Variants in CNBP observed in about 807,000 individuals in gnomAD.
CNBP encodes the protein cellular nucleic acid-binding protein.
A neutral mutation model predicts 21.2 loss-of-function variants in CNBP; 6 were observed. That is an observed-to-expected ratio of 0.28 (90% CI 0.16 to 0.56). The LOEUF (loss-of-function observed/expected upper bound fraction) is 0.56. Ranked by LOEUF, CNBP falls within the 20% of genes least tolerant of loss-of-function variation. The pLI, the probability that CNBP is intolerant of heterozygous loss-of-function variation, is 0.93. For missense variants in CNBP, 112 were observed against 233.1 expected, an observed-to-expected ratio of 0.48 and a Z score of 3.38; for synonymous variants, 61 against 74.9, an observed-to-expected ratio of 0.81 and a Z score of 0.96.
rs532458771 is a variant in CNBP at position 129,169,438 on chromosome 3, T to C, written c.*1015A>G. 29 of 193,202 alleles carry C rather than the reference T, an allele frequency of 1.5e-4. No individual in the cohort carries two copies. Among genetic ancestry groups the C allele is most frequent in the African/African-American group, 5.8e-4 (25 of 43,258 alleles). 12.0% of individuals were successfully genotyped at this position (193,202 alleles called of 1,614,324 possible). On this transcript the variant is annotated 3_prime_UTR_variant, in exon 5 of 5. Transcript: ENST00000422453. The stretch of plus-strand genomic sequence containing the variant: ...ATCCTTTTAACAGCAATTTTCATTA[T>C]TGAAGACATGACTTAAGTACAAAAA...
intron 1 of CNBP, among the ~76,000 whole-genome samples, chr3:129,173,863 G>C (rs1293864482): frequency 2.0e-5 from 3 of 152,102 alleles, no homozygotes; most frequent in African/African-American, 4.8e-5. Flanking sequence ...GTGGATAATC[G>C]AATTAGCTAA....
rs1937533866 is a variant in CNBP, at chr3:129,169,627, T to C, written c.*826A>G. 1 of 209,158 alleles carries C rather than the reference T, an allele frequency of 4.8e-6. No individual in the cohort carries two copies. The highest frequency in any genetic ancestry group is 9.7e-6 in the Non-Finnish European group (1 of 102,752). 13.0% of individuals were successfully genotyped at this position (209,158 alleles called of 1,614,324 possible). A position where few individuals can be genotyped will look rare whatever the true frequency, so the allele number is the denominator to read the frequency against. ...GAATAGTTTAAAATTACATTTCTAT[T>C]TTCTAGGACTTCAGTTGCTCTTTCC... is the stretch of plus-strand genomic sequence containing the variant. On this transcript the variant is annotated 3_prime_UTR_variant, in exon 5 of 5. Transcript: ENST00000422453.
Position 129,170,549 on chromosome 3 carries a change from T to G in CNBP, c.438A>C (p.Val146=), listed in dbSNP as rs796066769. The change falls in exon 5 of 5, where the codon GTA becomes GTC. Residue 146 remains valine (V), a synonymous_variant. Transcript: ENST00000422453. ...KCYRCGETGH[V]AINCSKTSEV... ...CACTTGTCTTGCTGCAGTTGATGGC[T>G]ACATGACCAGTTTCACCACACCTAA... is the stretch of plus-strand genomic sequence containing the variant. The G allele has an allele frequency of 1.9e-6, 3 of 1,614,198 alleles. No individual in the cohort carries two copies. In the African/African-American group the frequency reaches 4.0e-5, roughly 22 times the overall value.
intron 1 of CNBP, among the ~76,000 whole-genome samples, chr3:129,177,705 C>T (rs904375500): frequency 6.6e-6 from 1 of 152,108 alleles, no homozygotes; most frequent in African/African-American, 2.4e-5. Flanking sequence ...GGAGAAACAC[C>T]GGTGATTTCC....
At chr3:129,174,463 C>T (rs906193098) in intron 1 of CNBP, among the ~76,000 whole-genome samples, 6 of 147,858 alleles carry the variant, frequency 4.1e-5, no homozygotes, top group South Asian at 2.2e-4. Context: ...GTTGGGAGTT[C>T]GAGACCAGCC....
At chr3:129,171,589 TA>T in intron 2 of CNBP, 44 bp downstream of exon 2, 1 of 1,614,120 alleles carries the variant, frequency 6.2e-7, no homozygotes, top group Non-Finnish European at 8.5e-7. Context: ...GTCTTGATAC[TA>T]ACAAATACTG....
intron 1 of CNBP, among the ~76,000 whole-genome samples, chr3:129,172,794 T>C (rs1294959516): frequency 5.3e-5 from 8 of 152,030 alleles, no homozygotes; most frequent in African/African-American, 2.4e-5. Context: ...TGCATGGTTA[T>C]AAGGCCTATA....
chr3:129,183,517 C>T (rs1938465059), intron 1 of CNBP, among the ~76,000 whole-genome samples: 1 of 152,246 alleles, frequency 6.6e-6, no homozygotes, highest in Non-Finnish European at 1.5e-5. Flanking sequence ...GGGGTGCGGC[C>T]GTGGCGCCGA....
At chr3:129,179,218 G>C (rs865819357) in intron 1 of CNBP, among the ~76,000 whole-genome samples, 3 of 151,468 alleles carry the variant, frequency 2.0e-5, no homozygotes, top group Admixed American at 6.6e-5. Context: ...CAGAGGTTGC[G>C]GTGAGCCGAG....
At chr3:129,172,496 C>T (rs1230564642) in intron 1 of CNBP, among the ~76,000 whole-genome samples, 1 of 152,114 alleles carries the variant, frequency 6.6e-6, no homozygotes, top group Non-Finnish European at 1.5e-5. Flanking sequence ...GCAGAAGAAT[C>T]GCTTGAACCC....
At chr3:129,174,408 G>A (rs921460341) in intron 1 of CNBP, among the ~76,000 whole-genome samples, 3 of 139,270 alleles carry the variant, frequency 2.2e-5, no homozygotes, top group Non-Finnish European at 4.5e-5. Context: ...GCTCACACCT[G>A]TAATCCCAGC....
intron 1 of CNBP, among the ~76,000 whole-genome samples, chr3:129,181,202 T>C (rs1285504787): frequency 8.0e-6 from 1 of 124,348 alleles, no homozygotes; most frequent in East Asian, 2.7e-4. Context: ...ACTGTGCCAC[T>C]GCATTCCAGC....
chr3:129,170,119 C>T lies in CNBP; in HGVS notation c.*334G>A. On this transcript the variant is annotated 3_prime_UTR_variant, in exon 5 of 5. Coordinates refer to ENST00000422453, the MANE Select transcript of CNBP (RefSeq NM_003418.5). ...TAGACACTTCCAGAATTGGTTTTAC[C>T]TCCTACATGGGAACATGTTCAAGGA... The T allele has an allele frequency of 6.8e-6, 2 of 296,258 alleles. No individual in the cohort carries two copies. The highest frequency in any genetic ancestry group is 6.4e-6 in the Non-Finnish European group (1 of 155,482). 18.4% of individuals were successfully genotyped at this position (296,258 alleles called of 1,614,324 possible).
chr3:129,177,509 C>T (rs1286431264), intron 1 of CNBP, among the ~76,000 whole-genome samples: 1 of 152,220 alleles, frequency 6.6e-6, no homozygotes, highest in Non-Finnish European at 1.5e-5. Context: ...AATTTAAAAA[C>T]CAAAGTTTTG....
intron 1 of CNBP, among the ~76,000 whole-genome samples, chr3:129,174,853 C>T (rs1263144742): frequency 3.3e-5 from 5 of 151,984 alleles, no homozygotes; most frequent in African/African-American, 1.2e-4. Flanking sequence ...ATTTGCAAGG[C>T]CTGAATATCT....
At chr3:129,180,086 T>C (rs541499656) in intron 1 of CNBP, among the ~76,000 whole-genome samples, 34 of 152,272 alleles carry the variant, frequency 2.2e-4, no homozygotes, top group Middle Eastern at 3.4e-3. Flanking sequence ...AAAAATGCTA[T>C]TGTGTAATAT....
At chr3:129,175,994 T>G (rs565403953) in intron 1 of CNBP, among the ~76,000 whole-genome samples, 1 of 152,320 alleles carries the variant, frequency 6.6e-6, no homozygotes, top group East Asian at 1.9e-4. Context: ...GACTTGTCTC[T>G]TTAATAACAT....
intron 1 of CNBP, among the ~76,000 whole-genome samples, chr3:129,183,363 G>A (rs1040167634): frequency 3.9e-5 from 6 of 152,146 alleles, no homozygotes; most frequent in Admixed American, 2.6e-4. Context: ...TCCGCAGCCG[G>A]GAGCCTTTCC....
In CNBP at chr3:129,170,584, TAA is replaced by T. The variant is rs762801068; in HGVS notation, c.417-16_417-15del. On this transcript the variant is annotated splice_polypyrimidine_tract_variant and intron_variant, in intron 4 of 4. Coordinates refer to ENST00000422453, the MANE Select transcript of CNBP (RefSeq NM_003418.5). ...GTTTCACCACACCTAAAAAAGAAAT[TAA>T]AAGTTTTCACAATGGGCCTCAGAAA... The T allele has an allele frequency of 2.0e-5, 32 of 1,608,890 alleles. No individual in the cohort carries two copies. Among genetic ancestry groups the T allele is most frequent in the African/African-American group, 4.0e-5 (3 of 74,760 alleles).
Sources: gnomAD v4.1 joint callset for allele counts (sites outside exome capture counted in the v4.1 genomes callset) on GRCh38, gnomAD v4.1.1 for gene constraint, MANE v1.5 for transcripts, NCBI Gene and HGNC (gene_info 2026-07-23, HGNC 2026-07-21) for gene names.